The following SCAI variants were observed in gnomAD, a reference collection of about 807,000 sequenced individuals.
The protein encoded by SCAI is suppressor of cancer cell invasion.
A neutral mutation model predicts 92.2 loss-of-function variants in SCAI; 24 were observed. The observed-to-expected ratio is 0.26, with a 90% CI of 0.19 to 0.37. The LOEUF is 0.37. SCAI is among the 10% of genes least tolerant of loss of function. The pLI is 1.00. For missense variants in SCAI, 450 were observed against 736.2 expected (o/e 0.61, Z 4.50); for synonymous variants, 261 against 258.6 (o/e 1.01, Z -0.09).
At chr9:125,142,275 T>A (rs534681812) in intron 2 of SCAI, 6 of 189,424 alleles carry the variant, frequency 3.2e-5, no homozygotes, top group African/African-American at 1.2e-4. Flanking sequence ...GAGCTGGGAT[T>A]GAAGGCATGA....
At chr9:124,962,192 C>T (rs1270223964) in intron 17 of SCAI, among the ~76,000 whole-genome samples, 5 of 119,024 alleles carry the variant, frequency 4.2e-5, no homozygotes, top group African/African-American at 1.6e-4. Flanking sequence ...TGGAGTCTTG[C>T]TCTGTCGCCC....
chr9:124,971,980 T>C (rs1831669572), intron 15 of SCAI, 136 bp from the exon 16 acceptor site: 1 of 487,250 alleles, frequency 2.1e-6, no homozygotes, highest in African/African-American at 2.0e-5. Context: ...TCAAAGCAGA[T>C]TCTTCACGAA....
intron 2 of SCAI, among the ~76,000 whole-genome samples, chr9:125,112,267 C>T (rs570450184): frequency 2.0e-5 from 3 of 151,990 alleles, no homozygotes; most frequent in Admixed American, 6.6e-5. Flanking sequence ...AATTTAACTG[C>T]GTGCCAAGAA....
At chr9:125,132,836 G>A (rs918807799) in intron 2 of SCAI, among the ~76,000 whole-genome samples, 7 of 152,004 alleles carry the variant, frequency 4.6e-5, no homozygotes, top group Non-Finnish European at 7.4e-5. Flanking sequence ...ATGGTGGCAC[G>A]CGCCTGTAAT....
At chr9:124,970,469 A>T (rs1186079506) in intron 17 of SCAI, among the ~76,000 whole-genome samples, 1 of 152,018 alleles carries the variant, frequency 6.6e-6, no homozygotes, top group Non-Finnish European at 1.5e-5. Context: ...CAATAATCCC[A>T]GCGCTTTGGA....
chr9:125,143,002 GC>G (rs1187556357), intron 1 of SCAI, among the ~76,000 whole-genome samples: 1 of 103,410 alleles, frequency 9.7e-6, no homozygotes, highest in African/African-American at 3.7e-5. Flanking sequence ...ACCCCCGCAA[GC>G]CCCCCTAGCC....
intron 13 of SCAI, among the ~76,000 whole-genome samples, chr9:124,996,807 T>A (rs189635952): frequency 4.6e-5 from 7 of 152,050 alleles, no homozygotes; most frequent in African/African-American, 1.7e-4. Context: ...TTTTTTGTAT[T>A]TTTAGTAGAG....
At chr9:125,003,085 CAT>C in intron 11 of SCAI, 27 bp downstream of exon 11, 1 of 1,401,412 alleles carries the variant, frequency 7.1e-7, no homozygotes, top group Non-Finnish European at 1.0e-6. Flanking sequence ...ACTTTCACCT[CAT>C]AGTAAAAAGT....
At chr9:124,968,772 G>A (rs1048645093) in intron 17 of SCAI, 2 of 953,442 alleles carry the variant, frequency 2.1e-6, no homozygotes, top group Non-Finnish European at 1.7e-6. Context: ...GGCATGGTGG[G>A]GTGCGCAGGC....
intron 2 of SCAI, among the ~76,000 whole-genome samples, chr9:125,136,014 G>C (rs1588255362): frequency 6.7e-6 from 1 of 148,438 alleles, no homozygotes; most frequent in Admixed American, 6.8e-5. Flanking sequence ...TCTGTCAACT[G>C]TTTTCTAAAA....
chr9:124,984,422 G>A lies in SCAI; in HGVS notation c.1327-8236C>T, dbSNP rs192812166. ...ATAGGCACACTTACAGGAGAGCGAG[G>A]AAGGAGGAAGACTCATTAGAAGGCT... On this transcript the variant is annotated intron_variant, in intron 14 of 17. Transcript: ENST00000336505. Among the ~76,000 whole-genome samples, 146 of 152,374 alleles carry A rather than the reference G, an allele frequency of 9.6e-4. 1 individual carries two copies. Among genetic ancestry groups the A allele is most frequent in the South Asian group, 2.3e-3 (11 of 4,830 alleles).
Position 125,019,218 on chromosome 9 carries a change from A to T in SCAI, c.610-13T>A. On this transcript the variant is annotated splice_polypyrimidine_tract_variant and intron_variant, in intron 7 of 17. Transcript: ENST00000336505. ...CATCTGACAATTCCTGATTTTAAAAACATCACAAAAAAGGTTATTAAAAAA... is the reference window on the plus strand; with the variant it reads ...CATCTGACAATTCCTGATTTTAAAATCATCACAAAAAAGGTTATTAAAAAA... The T allele has an allele frequency of 6.9e-7, 1 of 1,445,128 alleles. No homozygotes were observed. The highest frequency in any genetic ancestry group is 9.6e-7 in the Non-Finnish European group (1 of 1,045,932). The allele number at this position is 1,445,128 out of a possible 1,614,324, so 89.5% of individuals were successfully genotyped here.
At position 125,091,251 on chromosome 9, in the gene SCAI, C is replaced by T. The variant is rs1272155023; in HGVS notation, c.99-35244G>A. 6.6e-6 allele frequency among the ~76,000 whole-genome samples: 1 copy of T among 152,198 alleles called. No homozygotes were observed. The highest frequency in any genetic ancestry group is 2.4e-5 in the African/African-American group (1 of 41,454). On this transcript the variant is annotated intron_variant, in intron 2 of 17. Coordinates refer to ENST00000336505, the MANE Select transcript of SCAI (RefSeq NM_001144877.3). This position sits in a 1 kb window ranked among gnomAD's most constrained non-coding sequence, Gnocchi z 4.3. ...GCCATGATTACAGATATTTGGATTCCCTTGGTTCTTGCCTATTTTCTGAAC... is the reference window on the plus strand; with the variant it reads ...GCCATGATTACAGATATTTGGATTCTCTTGGTTCTTGCCTATTTTCTGAAC...
intron 2 of SCAI, among the ~76,000 whole-genome samples, chr9:125,109,907 C>T (rs973314480): frequency 6.6e-6 from 1 of 152,186 alleles, no homozygotes; most frequent in Non-Finnish European, 1.5e-5. Context: ...AGGCTGGTCT[C>T]AAACTCCTGA....
rs569518214 is a variant in SCAI at position 125,138,496 on chromosome 9, G to T, written c.98+4137C>A. ...GTGGTATGAGCTCAGCTCACTGCAAGCTTTGCCTCCCGGGTTCACGTCATT... is the reference window on the plus strand; with the variant it reads ...GTGGTATGAGCTCAGCTCACTGCAATCTTTGCCTCCCGGGTTCACGTCATT... On this transcript the variant is annotated intron_variant, in intron 2 of 17. Transcript: ENST00000336505. Among the ~76,000 whole-genome samples, 4 of 151,856 alleles carry T rather than the reference G, an allele frequency of 2.6e-5. No individual in the cohort carries two copies. In the South Asian group the frequency reaches 8.3e-4, roughly 32 times the overall value.
At chr9:125,017,712 C>A (rs6478692) in intron 9 of SCAI, among the ~76,000 whole-genome samples, 4 of 151,826 alleles carry the variant, frequency 2.6e-5, no homozygotes, top group African/African-American at 7.3e-5. Flanking sequence ...ACAAATTTAC[C>A]CAAAAACAAC....
intron 2 of SCAI, among the ~76,000 whole-genome samples, chr9:125,094,076 T>G (rs553946426): frequency 6.6e-6 from 1 of 152,244 alleles, no homozygotes. Context: ...TTCCAGTTGT[T>G]CGGGTACAGT....
At chr9:124,996,735 T>C (rs1489170774) in intron 13 of SCAI, among the ~76,000 whole-genome samples, 1 of 152,132 alleles carries the variant, frequency 6.6e-6, no homozygotes, top group Non-Finnish European at 1.5e-5. Context: ...GTTCAGGCAA[T>C]TCTCCTGCCT....
intron 2 of SCAI, among the ~76,000 whole-genome samples, chr9:125,081,182 T>A (rs1834207698): frequency 6.6e-6 from 1 of 151,964 alleles, no homozygotes; most frequent in Non-Finnish European, 1.5e-5. Flanking sequence ...AACAGTGGAG[T>A]GGGGCTTGCT....
Sources: gnomAD v4.1 joint callset for allele counts (sites outside exome capture counted in the v4.1 genomes callset) on GRCh38, gnomAD v4.1.1 for gene constraint, Gnocchi (gnomAD v3.1) non-coding constraint, MANE v1.5 for transcripts, NCBI Gene and HGNC (gene_info 2026-07-23, HGNC 2026-07-21) for gene names.